PRKAR2A: variants seen among roughly 807,000 people sequenced by gnomAD.
PRKAR2A encodes protein kinase cAMP-dependent type II regulatory subunit alpha.
Under a neutral mutation model 51.9 loss-of-function variants are expected in PRKAR2A, and 29 were observed. The ratio of observed to expected loss-of-function variants is 0.56; its 90% CI spans 0.42 to 0.76. The LOEUF is 0.76. Ranked by LOEUF, PRKAR2A falls within the 30% of genes least tolerant of loss-of-function variation. PRKAR2A has a pLI of 0.00. For missense variants in PRKAR2A, 445 were observed against 512.1 expected (o/e 0.87, Z 1.26); for synonymous variants, 178 against 186.2 (o/e 0.96, Z 0.36).
chr3:48,816,069 C>G (rs377195050), intron 1 of PRKAR2A, among the ~76,000 whole-genome samples: 20 of 148,830 alleles, frequency 1.3e-4, no homozygotes, highest in African/African-American at 4.9e-4. Context: ...ATTACTAATA[C>G]TTCTCCAACC....
rs1164936625 is a variant in PRKAR2A, at chr3:48,784,002, T to C, written c.436-910A>G. Among the ~76,000 whole-genome samples, 4 of 151,964 alleles carry C rather than the reference T, an allele frequency of 2.6e-5. No homozygotes were observed. The East Asian group carries it at 7.7e-4, about 29-fold the overall frequency. On this transcript the variant is annotated intron_variant, in intron 4 of 10. Transcript: ENST00000265563. ...AACAACAGATACTCAATAAATGAGA[T>C]ATATTATAAGACAGCTAATATTGCT...
intron 3 of PRKAR2A, among the ~76,000 whole-genome samples, chr3:48,792,307 A>T (rs189953637): frequency 0.015 from 2,323 of 150,496 alleles, 54 homozygotes; most frequent in African/African-American, 0.052. Context: ...ACGCCTGGCT[A>T]ATTTTTGTAT....
intron 9 of PRKAR2A, among the ~76,000 whole-genome samples, chr3:48,754,588 C>CTAAAAGTACAA (rs1207780019): frequency 6.6e-6 from 1 of 151,932 alleles, no homozygotes; most frequent in African/African-American, 2.4e-5. Context: ...GCCTGGCCAA[C>CTAAAAGTACAA]ATGGGGAAAC....
At chr3:48,801,810 C>A (rs192465400) in intron 2 of PRKAR2A, among the ~76,000 whole-genome samples, 9 of 152,250 alleles carry the variant, frequency 5.9e-5, no homozygotes, top group African/African-American at 1.7e-4. Context: ...AATCTCAGTT[C>A]ACTATAACCT....
intron 2 of PRKAR2A, among the ~76,000 whole-genome samples, chr3:48,805,080 T>C (rs551873869): frequency 3.3e-5 from 5 of 152,160 alleles, no homozygotes; most frequent in African/African-American, 1.2e-4. Flanking sequence ...CCCAGCTATT[T>C]TTTTTTAATT....
chr3:48,751,623 AC>A lies in PRKAR2A; in HGVS notation c.1176del (p.Met392IlefsTer41). 1 of 1,613,746 alleles carries A rather than the reference AC, an allele frequency of 6.2e-7. No homozygotes were observed. The highest frequency in any genetic ancestry group is 8.5e-7 in the Non-Finnish European group (1 of 1,179,808). ...ISHYEEQLVK[M>X]FGSSVDLGNL... ...TTGCCCAGATCCACGCTGGAGCCAA[AC>A]ATCTTCACCAGCTGTTCCTCATAGT... On this transcript the variant is annotated frameshift_variant, in exon 11 of 11. Transcript: ENST00000265563. LOFTEE classifies it high-confidence loss of function.
At chr3:48,829,873 T>A (rs56312369) in intron 1 of PRKAR2A, among the ~76,000 whole-genome samples, 19,233 of 58,186 alleles carry the variant, frequency 0.33, 2,352 homozygotes, top group Non-Finnish European at 0.4. Flanking sequence ...ATATATATAT[T>A]TTTTTTTTTT....
chr3:48,785,642 C>T (rs2082279074), intron 4 of PRKAR2A, among the ~76,000 whole-genome samples: 1 of 152,164 alleles, frequency 6.6e-6, no homozygotes, highest in African/African-American at 2.4e-5. Context: ...AGTGATCCAC[C>T]TGCCTCGGCT....
chr3:48,817,349 AAAT>A (rs1333984858), intron 1 of PRKAR2A, among the ~76,000 whole-genome samples: 2 of 149,404 alleles, frequency 1.3e-5, no homozygotes, highest in Admixed American at 6.7e-5. Flanking sequence ...ATAAATAAAT[AAAT>A]AAATAAATAA....
At chr3:48,833,513 G>C (rs1387711025) in intron 1 of PRKAR2A, among the ~76,000 whole-genome samples, 59 of 144,732 alleles carry the variant, frequency 4.1e-4, no homozygotes, top group South Asian at 1.6e-3. Flanking sequence ...TTCAAGACCA[G>C]CCTGGCCAAC....
At chr3:48,837,363 A>G (rs1025650228) in intron 1 of PRKAR2A, among the ~76,000 whole-genome samples, 2 of 152,216 alleles carry the variant, frequency 1.3e-5, no homozygotes, top group African/African-American at 4.8e-5. Context: ...CAACATCATT[A>G]GTCATTAGAG....
intron 5 of PRKAR2A, 145 bp downstream of exon 5, chr3:48,782,841 G>A: frequency 1.6e-6 from 1 of 617,244 alleles, no homozygotes; most frequent in Middle Eastern, 2.5e-4. Flanking sequence ...AGAGGGACAA[G>A]CTGTGGACTC....
chr3:48,762,007 T>C (rs1304165319), intron 8 of PRKAR2A, among the ~76,000 whole-genome samples: 1 of 152,198 alleles, frequency 6.6e-6, no homozygotes, highest in Non-Finnish European at 1.5e-5. Context: ...GGAGAACATA[T>C]TATTGATTTT....
intron 4 of PRKAR2A, among the ~76,000 whole-genome samples, chr3:48,783,793 C>T (rs1194555879): frequency 6.6e-6 from 1 of 152,156 alleles, no homozygotes; most frequent in Non-Finnish European, 1.5e-5. Flanking sequence ...GTTGGCCAGG[C>T]TGGTCTCGAA....
At chr3:48,813,919 T>C (rs148907268) in intron 1 of PRKAR2A, among the ~76,000 whole-genome samples, 29 of 151,356 alleles carry the variant, frequency 1.9e-4, no homozygotes, top group African/African-American at 6.6e-4. Context: ...AGGTCAGGAG[T>C]TCAAGACCAA....
At chr3:48,820,281 A>G (rs2082940871) in intron 1 of PRKAR2A, among the ~76,000 whole-genome samples, 1 of 152,234 alleles carries the variant, frequency 6.6e-6, no homozygotes, top group African/African-American at 2.4e-5. Context: ...AGTATCACCA[A>G]TGGAATAAGA....
chr3:48,800,138 G>GT (rs2082563134), intron 2 of PRKAR2A, among the ~76,000 whole-genome samples: 1 of 151,652 alleles, frequency 6.6e-6, no homozygotes, highest in African/African-American at 2.4e-5. Context: ...GATTACAGGC[G>GT]TGAGCCACCA....
At chr3:48,835,591 G>C (rs1429939245) in intron 1 of PRKAR2A, among the ~76,000 whole-genome samples, 1 of 146,520 alleles carries the variant, frequency 6.8e-6, no homozygotes, top group Admixed American at 7.0e-5. Flanking sequence ...AGTGAGCGGA[G>C]ACTGCACCAC....
At position 48,746,706 on chromosome 3, in the gene PRKAR2A, TTA is replaced by T. The variant is rs1218504761; in HGVS notation, c.*4877_*4878del. ...TGACTTAATTCTTAATGACTGTTCA[TTA>T]TATGTTTAACACCACAGAGCAAGAA... On this transcript the variant is annotated 3_prime_UTR_variant, in exon 11 of 11. Transcript: ENST00000265563. The T allele has an allele frequency of 6.6e-6, 1 of 152,238 alleles. No individual in the cohort carries two copies. Among genetic ancestry groups the T allele is most frequent in the East Asian group, 1.9e-4 (1 of 5,202 alleles). 9.4% of individuals were successfully genotyped at this position (152,238 alleles called of 1,614,324 possible).
Sources: gnomAD v4.1 joint callset for allele counts (sites outside exome capture counted in the v4.1 genomes callset) on GRCh38, gnomAD v4.1.1 for gene constraint, MANE v1.5 for transcripts, NCBI Gene and HGNC (gene_info 2026-07-23, HGNC 2026-07-21) for gene names.